FAM110B: variants seen among roughly 807,000 people sequenced by gnomAD.
FAM110B encodes the protein family with sequence similarity 110 member B, also known as protein FAM110B.
In FAM110B, 6 loss-of-function variants were observed where a neutral mutation model predicts 20.4. That is an observed-to-expected ratio of 0.29 (90% CI 0.16 to 0.58). The LOEUF is 0.58. FAM110B is among the 20% of genes least tolerant of loss of function. The pLI is 0.90. For synonymous variants in FAM110B, 226 were observed against 214.1 expected, an observed-to-expected ratio of 1.06 and a Z score of -0.49; for missense variants, 434 against 498.2, an observed-to-expected ratio of 0.87 and a Z score of 1.23.
chr8:58,091,663 A>T (rs529071832), intron 3 of FAM110B: 2 of 152,342 alleles, frequency 1.3e-5, no homozygotes, highest in Admixed American at 1.3e-4. Context: ...GGTAATTTTT[A>T]CATATTCATG....
intron 3 of FAM110B, among the ~76,000 whole-genome samples, chr8:58,126,582 CT>C (rs1007373672): frequency 1.3e-5 from 2 of 151,308 alleles, no homozygotes; most frequent in Non-Finnish European, 1.5e-5. Context: ...GTCTCTCTCT[CT>C]TTTTTTTTAA....
chr8:58,147,453 G>A lies in FAM110B; in HGVS notation c.*110G>A. On this transcript the variant is annotated 3_prime_UTR_variant, in exon 4 of 4. Coordinates refer to ENST00000519262, the MANE Select transcript of FAM110B (RefSeq NM_001377989.1). ...TTCTCCACTCTTTGTGTTGCTTGTT[G>A]TGCAATGTTTTCAAGTTGCATGCTT... The A allele has an allele frequency of 7.4e-7, 1 of 1,343,916 alleles. No individual in the cohort carries two copies. 83.2% of individuals were successfully genotyped at this position (1,343,916 alleles called of 1,614,324 possible). A position where few individuals can be genotyped will look rare whatever the true frequency, so the allele number is the denominator to read the frequency against.
At chr8:58,069,388 T>TA (rs1805840887) in intron 2 of FAM110B, among the ~76,000 whole-genome samples, 1 of 152,192 alleles carries the variant, frequency 6.6e-6, no homozygotes, top group African/African-American at 2.4e-5. Context: ...GAAATGCAGT[T>TA]ACTTGCCCAG....
chr8:58,072,778 C>T (rs767442462), intron 2 of FAM110B, among the ~76,000 whole-genome samples: 37 of 152,260 alleles, frequency 2.4e-4, no homozygotes, highest in Non-Finnish European at 4.7e-4. Context: ...AATGTTTTCT[C>T]CTGAGGTCTC....
At chr8:58,031,301 CTGGG>C (rs1431396581) in intron 1 of FAM110B, 1 of 152,166 alleles carries the variant, frequency 6.6e-6, no homozygotes, top group East Asian at 1.9e-4. Context: ...CATGTCCTTT[CTGGG>C]ATGTTGAGTA....
chr8:58,086,270 T>A lies in FAM110B; in HGVS notation c.-325+10647T>A, dbSNP rs1000350147. ...ACACATTAGATTAAGATGCTAAGTA[T>A]AATAAAGAAAAAATTATATGAATAT... On this transcript the variant is annotated intron_variant, in intron 3 of 3. Coordinates refer to ENST00000519262, the MANE Select transcript of FAM110B (RefSeq NM_001377989.1). Among the ~76,000 whole-genome samples, 6 of 152,172 alleles carry A rather than the reference T, an allele frequency of 3.9e-5. No homozygotes were observed. In the East Asian group the frequency reaches 1.2e-3, roughly 29 times the overall value.
At chr8:57,998,164 T>C (rs1804222258) in intron 1 of FAM110B, among the ~76,000 whole-genome samples, 1 of 152,246 alleles carries the variant, frequency 6.6e-6, no homozygotes, top group African/African-American at 2.4e-5. Flanking sequence ...GGTACGCCAC[T>C]TTTAGTTTTC....
At chr8:58,081,151 A>T (rs1010331898) in intron 3 of FAM110B, among the ~76,000 whole-genome samples, 1 of 152,174 alleles carries the variant, frequency 6.6e-6, no homozygotes, top group African/African-American at 2.4e-5. Flanking sequence ...TGTGCTGGTC[A>T]CCTGCCTCTA....
intron 3 of FAM110B, among the ~76,000 whole-genome samples, chr8:58,081,654 C>T (rs1164413544): frequency 6.6e-6 from 1 of 152,202 alleles, no homozygotes; most frequent in Non-Finnish European, 1.5e-5. Flanking sequence ...TTATTCTGCT[C>T]ATGTTCCCTA....
intron 3 of FAM110B, among the ~76,000 whole-genome samples, chr8:58,125,209 G>C (rs1052501015): frequency 1.3e-5 from 2 of 152,138 alleles, no homozygotes; most frequent in African/African-American, 4.8e-5. Context: ...TTAGCTGGGC[G>C]TGGTGGCGCA....
chr8:58,039,679 T>C (rs1805163121), intron 2 of FAM110B, among the ~76,000 whole-genome samples: 1 of 152,214 alleles, frequency 6.6e-6, no homozygotes, highest in Non-Finnish European at 1.5e-5. Context: ...CTCCTGATAG[T>C]GGTGGTTTGA....
chr8:58,034,240 T>A (rs1329211753), intron 2 of FAM110B, among the ~76,000 whole-genome samples: 2 of 152,132 alleles, frequency 1.3e-5, no homozygotes, highest in Admixed American at 1.3e-4. Context: ...ACCCTGTCAT[T>A]TGGGTCTTGT....
intron 2 of FAM110B, among the ~76,000 whole-genome samples, chr8:58,055,712 G>A (rs766573554): frequency 1.3e-5 from 2 of 152,166 alleles, no homozygotes; most frequent in African/African-American, 2.4e-5. Context: ...GCATCCTCTT[G>A]TAAGTAGAAC....
At chr8:58,099,064 A>G (rs1404314280) in intron 3 of FAM110B, 2 of 152,196 alleles carry the variant, frequency 1.3e-5, no homozygotes, top group East Asian at 3.9e-4. Context: ...TTCCCTGTTG[A>G]TAGGAGGTTT....
At chr8:58,010,971 T>C (rs889492045) in intron 1 of FAM110B, among the ~76,000 whole-genome samples, 3 of 152,190 alleles carry the variant, frequency 2.0e-5, no homozygotes, top group African/African-American at 7.2e-5. Context: ...GCCCAAGGAC[T>C]AGAGTGGCCT....
intron 1 of FAM110B, among the ~76,000 whole-genome samples, chr8:57,996,848 A>G (rs1804193838): frequency 6.6e-6 from 1 of 152,232 alleles, no homozygotes; most frequent in Non-Finnish European, 1.5e-5. Context: ...AGAGCATTTA[A>G]TTCTTTTTCA....
At chr8:58,127,865 A>G (rs1342283218) in intron 3 of FAM110B, among the ~76,000 whole-genome samples, 2 of 152,226 alleles carry the variant, frequency 1.3e-5, no homozygotes, top group African/African-American at 4.8e-5. Flanking sequence ...CCTAGTGAAG[A>G]TGTCAGATTT....
chr8:58,074,074 A>T (rs1343019649), intron 2 of FAM110B, among the ~76,000 whole-genome samples: 2 of 152,086 alleles, frequency 1.3e-5, no homozygotes, highest in Non-Finnish European at 2.9e-5. Context: ...ACCCTGTAAA[A>T]TGCGCAGGCT....
intron 1 of FAM110B, among the ~76,000 whole-genome samples, chr8:57,997,109 G>C (rs1015456049): frequency 5.9e-5 from 9 of 152,146 alleles, no homozygotes; most frequent in African/African-American, 2.2e-4. Flanking sequence ...TTAACTCTTA[G>C]GGCCCTGCAG....
Sources: gnomAD v4.1 joint callset for allele counts (sites outside exome capture counted in the v4.1 genomes callset) on GRCh38, gnomAD v4.1.1 for gene constraint, MANE v1.5 for transcripts, NCBI Gene and HGNC (gene_info 2026-07-23, HGNC 2026-07-21) for gene names.